Variants in RAB27B observed in about 807,000 individuals in gnomAD.
The protein encoded by RAB27B is RAB27B, member RAS oncogene family.
RAB27B carries 15 observed loss-of-function variants against 24.6 expected under a neutral mutation model. That is an observed-to-expected ratio of 0.61 (90% CI 0.41 to 0.94). The LOEUF (loss-of-function observed/expected upper bound fraction) is 0.94, where lower values mean the gene tolerates loss of function less well. RAB27B is among the 40% of genes least tolerant of loss of function. RAB27B has a pLI of 0.00. For missense variants in RAB27B, 261 were observed against 266.8 expected, an observed-to-expected ratio of 0.98 and a Z score of 0.15; for synonymous variants, 105 against 92.5, an observed-to-expected ratio of 1.14 and a Z score of -0.78.
chr18:54,767,072 G>A (rs1908386108), intron 2 of RAB27B, among the ~76,000 whole-genome samples: 1 of 152,136 alleles, frequency 6.6e-6, no homozygotes. Flanking sequence ...TAAACACATA[G>A]GGAAGAAGGT....
chr18:54,764,476 A>G (rs563044446), intron 2 of RAB27B, among the ~76,000 whole-genome samples: 56 of 152,316 alleles, frequency 3.7e-4, no homozygotes, highest in Admixed American at 9.2e-4. Context: ...TCTCGTCTGC[A>G]CAATGGGAAT....
intron 2 of RAB27B, among the ~76,000 whole-genome samples, chr18:54,807,753 C>T (rs985080713): frequency 1.1e-4 from 16 of 152,186 alleles, no homozygotes; most frequent in Non-Finnish European, 4.4e-5. Flanking sequence ...CTACACTTGA[C>T]ATGTGTAGGT....
rs1307607695 is a variant in RAB27B at position 54,876,046 on chromosome 18, TA to T, written c.-19-1520del. 1.3e-5 allele frequency among the ~76,000 whole-genome samples: 2 copies of T among 152,250 alleles called. 1 individual carries two copies. Among genetic ancestry groups the T allele is most frequent in the East Asian group, 3.9e-4 (2 of 5,180 alleles). On this transcript the variant is annotated intron_variant, in intron 1 of 5. Coordinates refer to ENST00000262094, the MANE Select transcript of RAB27B (RefSeq NM_004163.4). ...AAAGAGGTTTAATTGACTCACAGTT[TA>T]GCGTGGCTGGGGAGTCCTCAGGAAA...
chr18:54,799,744 G>A lies in RAB27B; in HGVS notation c.-19-77823G>A, dbSNP rs554967785. ...TCCAGGGTTCATGCCATTCTCCTGCGTCAGCCTCCTGAGTAGATGGGATTA... is the reference window on the plus strand; with the variant it reads ...TCCAGGGTTCATGCCATTCTCCTGCATCAGCCTCCTGAGTAGATGGGATTA... On this transcript the variant is annotated intron_variant, in intron 2 of 4. Transcript: ENST00000586570. Among the ~76,000 whole-genome samples the A allele has an allele frequency of 1.3e-3, 186 of 147,074 alleles. 1 individual carries two copies. Among genetic ancestry groups the A allele is most frequent in the African/African-American group, 4.4e-3 (176 of 39,766 alleles).
intron 2 of RAB27B, among the ~76,000 whole-genome samples, chr18:54,757,293 C>T (rs11876958): frequency 0.055 from 8,441 of 152,222 alleles, 294 homozygotes; most frequent in Admixed American, 0.085. Context: ...GATCAAAATG[C>T]AGAGATAAAA....
chr18:54,760,978 G>T (rs939517629), intron 2 of RAB27B, among the ~76,000 whole-genome samples: 2 of 145,552 alleles, frequency 1.4e-5, no homozygotes, highest in Non-Finnish European at 3.0e-5. Flanking sequence ...AGGGGCAACT[G>T]TTAAAGGAGA....
intron 2 of RAB27B, among the ~76,000 whole-genome samples, chr18:54,748,540 T>C (rs999800498): frequency 6.6e-6 from 1 of 152,212 alleles, no homozygotes; most frequent in African/African-American, 2.4e-5. Context: ...GCTTAAAACA[T>C]GGTCTCAGAC....
intron 1 of RAB27B, among the ~76,000 whole-genome samples, chr18:54,855,416 A>T (rs919077536): frequency 5.3e-5 from 8 of 152,292 alleles, no homozygotes; most frequent in Middle Eastern, 6.8e-3. Flanking sequence ...CATTTAAAGT[A>T]CAAATTATTT....
intron 3 of RAB27B, chr18:54,880,248 G>C: frequency 6.6e-6 from 1 of 152,284 alleles, no homozygotes; most frequent in East Asian, 1.9e-4. Context: ...CAGTGTCCAA[G>C]CTAATACTCG....
At chr18:54,847,909 C>G (rs1266649467) in intron 1 of RAB27B, among the ~76,000 whole-genome samples, 1 of 152,056 alleles carries the variant, frequency 6.6e-6, no homozygotes, top group Non-Finnish European at 1.5e-5. Context: ...GAGCAATGAA[C>G]AATTCACAAA....
intron 2 of RAB27B, among the ~76,000 whole-genome samples, chr18:54,764,186 T>C (rs1908287067): frequency 6.6e-6 from 1 of 152,182 alleles, no homozygotes; most frequent in East Asian, 1.9e-4. Flanking sequence ...CATCTTTGCA[T>C]TGCCTCATTG....
chr18:54,776,134 G>T (rs1598895679), intron 2 of RAB27B, among the ~76,000 whole-genome samples: 1 of 152,236 alleles, frequency 6.6e-6, no homozygotes, highest in Admixed American at 6.5e-5. Context: ...TTAAGAAAAT[G>T]TCATAGAAAG....
intron 2 of RAB27B, among the ~76,000 whole-genome samples, chr18:54,791,893 C>T (rs1909259391): frequency 6.6e-6 from 1 of 152,172 alleles, no homozygotes; most frequent in African/African-American, 2.4e-5. Context: ...TTTGGCAGGG[C>T]AGTCGGAGGA....
chr18:54,738,242 GA>G (rs1393611934), intron 2 of RAB27B, among the ~76,000 whole-genome samples: 1 of 152,132 alleles, frequency 6.6e-6, no homozygotes, highest in Non-Finnish European at 1.5e-5. Context: ...AGAATAACTG[GA>G]AAAGAGGAGG....
chr18:54,829,842 A>G (rs919644298), intron 1 of RAB27B, among the ~76,000 whole-genome samples: 2 of 152,228 alleles, frequency 1.3e-5, no homozygotes, highest in Non-Finnish European at 2.9e-5. Flanking sequence ...TATTTTTCAT[A>G]GTTTCCTAGC....
intron 1 of RAB27B, among the ~76,000 whole-genome samples, chr18:54,855,215 G>A (rs915973723): frequency 1.3e-5 from 2 of 152,152 alleles, no homozygotes; most frequent in East Asian, 3.9e-4. Context: ...TGATCTGACA[G>A]GAGGTGGAGC....
chr18:54,732,368 G>A, intron 2 of RAB27B, among the ~76,000 whole-genome samples: 1 of 152,028 alleles, frequency 6.6e-6, no homozygotes. Context: ...TACAGTTTTG[G>A]AATATATAAA....
At chr18:54,825,185 C>A (rs1005365059), upstream of RAB27B, among the ~76,000 whole-genome samples, 1 of 152,112 alleles carries the variant, frequency 6.6e-6, no homozygotes, top group Non-Finnish European at 1.5e-5. Flanking sequence ...AAATCCAATG[C>A]AATTTTTTTT....
chr18:54,884,493 C>CTTG, intron 4 of RAB27B, 57 bp downstream of exon 4: 7 of 1,112,730 alleles, frequency 6.3e-6, no homozygotes, highest in Non-Finnish European at 9.5e-6. Flanking sequence ...GCCTTAGGTG[C>CTTG]TTGTTGGTCT....
Sources: allele counts gnomAD v4.1 joint callset (sites outside exome capture counted in the v4.1 genomes callset), GRCh38; gene constraint gnomAD v4.1.1; transcripts MANE v1.5; gene names NCBI Gene and HGNC (gene_info 2026-07-23, HGNC 2026-07-21).